The following SHANK2 variants were observed in gnomAD, a reference collection of about 807,000 sequenced individuals.
SHANK2 encodes the protein SH3 and multiple ankyrin repeat domains 2, also known as SH3 and multiple ankyrin repeat domains protein 2.
Under a neutral mutation model 133.7 loss-of-function variants are expected in SHANK2, and 43 were observed. The observed-to-expected ratio is 0.32, with a 90% CI of 0.25 to 0.41. The LOEUF (loss-of-function observed/expected upper bound fraction) is 0.41. Among genes scored for constraint, SHANK2 ranks in the 10% least tolerant of loss-of-function variants. The probability of loss-of-function intolerance (pLI) is 1.00; values close to 1 mark genes in which losing one functional copy is unlikely to be tolerated. For missense variants in SHANK2, 1,994 were observed against 2,235.8 expected (o/e 0.89, Z 2.18); for synonymous variants, 1,017 against 952.8 (o/e 1.07, Z -1.24).
chr11:70,666,957 T>C (rs1944689989), intron 15 of SHANK2, among the ~76,000 whole-genome samples: 1 of 152,038 alleles, frequency 6.6e-6, no homozygotes, highest in African/African-American at 2.4e-5. Flanking sequence ...TACCCTCTTT[T>C]GCCAACATCT....
At chr11:71,065,971 T>G in intron 9 of SHANK2, among the ~76,000 whole-genome samples, 2 of 81,238 alleles carry the variant, frequency 2.5e-5, no homozygotes, top group African/African-American at 5.3e-5. Flanking sequence ...AGATGAGCAG[T>G]GAGTGGGGAA....
chr11:71,112,439 G>T (rs781853549), intron 5 of SHANK2, among the ~76,000 whole-genome samples: 45 of 152,126 alleles, frequency 3.0e-4, no homozygotes, highest in Non-Finnish European at 4.4e-4. Flanking sequence ...TAAGGAGGAG[G>T]GGCAGCAAAA....
chr11:70,742,375 G>C (rs1317438505), intron 14 of SHANK2, among the ~76,000 whole-genome samples: 2 of 152,132 alleles, frequency 1.3e-5, no homozygotes, highest in East Asian at 3.9e-4. Context: ...GAAGAAAAAG[G>C]GCCTGTCCCT....
chr11:70,696,770 A>G (rs1945401025), intron 15 of SHANK2, among the ~76,000 whole-genome samples: 1 of 152,208 alleles, frequency 6.6e-6, no homozygotes, highest in Admixed American at 6.6e-5. Context: ...GAGTCCAATG[A>G]GCAATTCTGC....
intron 9 of SHANK2, among the ~76,000 whole-genome samples, chr11:71,069,909 C>A (rs1280111387): frequency 2.0e-5 from 3 of 152,146 alleles, no homozygotes; most frequent in Non-Finnish European, 4.4e-5. Context: ...TGTATGGCAC[C>A]CTTTCTGCTT....
chr11:70,848,860 G>T (rs1949040592), intron 11 of SHANK2, among the ~76,000 whole-genome samples: 1 of 152,184 alleles, frequency 6.6e-6, no homozygotes, highest in Admixed American at 6.5e-5. Context: ...CAAGCCTGAT[G>T]CCAGCTTGTT....
chr11:70,921,535 CT>C (rs1417037804), intron 10 of SHANK2, among the ~76,000 whole-genome samples: 5 of 152,220 alleles, frequency 3.3e-5, no homozygotes, highest in Non-Finnish European at 7.3e-5. Context: ...GCTGCTTTTC[CT>C]TTCAATATTT....
intron 10 of SHANK2, among the ~76,000 whole-genome samples, chr11:70,944,592 C>G (rs1459850285): frequency 2.0e-5 from 3 of 152,234 alleles, no homozygotes; most frequent in Non-Finnish European, 4.4e-5. Context: ...CTATGCGCAA[C>G]TTGATTTTTC....
chr11:70,599,971 G>GAAAGAAAGAAAGAAAGAAAGAA (rs782190120), intron 17 of SHANK2, among the ~76,000 whole-genome samples: 22 of 105,070 alleles, frequency 2.1e-4, no homozygotes, highest in East Asian at 6.8e-4. Flanking sequence ...AAGAAAGAAA[G>GAAAGAAAGAAAGAAAGAAAGAA]AAAATGTATC....
chr11:70,585,729 A>G (rs1301643775), intron 17 of SHANK2, among the ~76,000 whole-genome samples: 20 of 151,512 alleles, frequency 1.3e-4, no homozygotes, highest in African/African-American at 4.9e-4. Context: ...TCATTCGTCC[A>G]TCCAACTAGC....
At chr11:70,621,560 G>T (rs1554997878) in intron 17 of SHANK2, among the ~76,000 whole-genome samples, 1 of 152,234 alleles carries the variant, frequency 6.6e-6, no homozygotes, top group Non-Finnish European at 1.5e-5. Context: ...GGGTGGACTG[G>T]GTGGAAGGAA....
intron 2 of SHANK2, among the ~76,000 whole-genome samples, chr11:71,167,340 C>G (rs1254590006): frequency 6.6e-6 from 1 of 151,470 alleles, no homozygotes; most frequent in Non-Finnish European, 1.5e-5. Flanking sequence ...GGCAGAGGGG[C>G]TCACTTCCCA....
At chr11:71,116,381 C>T (rs782158706) in intron 4 of SHANK2, among the ~76,000 whole-genome samples, 10 of 152,246 alleles carry the variant, frequency 6.6e-5, no homozygotes, top group Non-Finnish European at 1.5e-4. Context: ...CACGTATACA[C>T]TGCAGGAAAC....
chr11:71,184,059 G>A (rs887545362), intron 2 of SHANK2, among the ~76,000 whole-genome samples: 1 of 152,110 alleles, frequency 6.6e-6, no homozygotes, highest in Non-Finnish European at 1.5e-5. Flanking sequence ...CAACCCTGAC[G>A]ACTCCATCAA....
intron 15 of SHANK2, among the ~76,000 whole-genome samples, chr11:70,677,970 T>A (rs1315574982): frequency 6.6e-6 from 1 of 152,176 alleles, no homozygotes; most frequent in Non-Finnish European, 1.5e-5. Flanking sequence ...CACTGCCATT[T>A]CCCATGGTGT....
intron 15 of SHANK2, among the ~76,000 whole-genome samples, chr11:70,664,722 G>A (rs1944646978): frequency 6.6e-6 from 1 of 152,182 alleles, no homozygotes; most frequent in Non-Finnish European, 1.5e-5. Context: ...AACTTCTTAG[G>A]GCCAGGGGGG....
intron 17 of SHANK2, among the ~76,000 whole-genome samples, chr11:70,611,253 G>A (rs1188312310): frequency 6.6e-6 from 1 of 152,248 alleles, no homozygotes; most frequent in Non-Finnish European, 1.5e-5. Flanking sequence ...AGCTCACAAA[G>A]GGGAGTTTAT....
At chr11:70,934,016 G>A (rs1950536951) in intron 10 of SHANK2, among the ~76,000 whole-genome samples, 1 of 151,774 alleles carries the variant, frequency 6.6e-6, no homozygotes, top group Middle Eastern at 3.2e-3. Context: ...AGCATAACTT[G>A]GCCCCGGGAG....
chr11:71,146,658 G>A (rs1952653234), intron 3 of SHANK2, among the ~76,000 whole-genome samples: 2 of 152,220 alleles, frequency 1.3e-5, no homozygotes, highest in African/African-American at 4.8e-5. Flanking sequence ...TGTACCCCCT[G>A]GAAGTGGGGG....
Sources: allele counts gnomAD v4.1 joint callset (sites outside exome capture counted in the v4.1 genomes callset), GRCh38; gene constraint gnomAD v4.1.1; transcripts MANE v1.5; gene names NCBI Gene and HGNC (gene_info 2026-07-23, HGNC 2026-07-21).